DYM: variants seen among roughly 807,000 people sequenced by gnomAD.
DYM encodes dyggve-Melchior-Clausen syndrome protein.
Under a neutral mutation model 93.1 loss-of-function variants are expected in DYM, and 78 were observed. The ratio of observed to expected loss-of-function variants is 0.84; its 90% CI spans 0.70 to 1.01. The LOEUF (loss-of-function observed/expected upper bound fraction) is 1.01. DYM is among the 50% of genes least tolerant of loss of function. The pLI is 0.00. For missense variants in DYM, 789 were observed against 845.0 expected, an observed-to-expected ratio of 0.93 and a Z score of 0.82; for synonymous variants, 321 against 319.7, an observed-to-expected ratio of 1.00 and a Z score of -0.04.
At chr18:49,388,540 T>G (rs866655288) in intron 3 of DYM, among the ~76,000 whole-genome samples, 1 of 151,752 alleles carries the variant, frequency 6.6e-6, no homozygotes, top group Admixed American at 6.6e-5. Flanking sequence ...AACAAAAATT[T>G]TATATATAAA....
At chr18:49,053,245 G>A (rs2075182595) in intron 17 of DYM, among the ~76,000 whole-genome samples, 1 of 152,154 alleles carries the variant, frequency 6.6e-6, no homozygotes, top group East Asian at 1.9e-4. Flanking sequence ...AAGCCTGAAA[G>A]CCATCTCTGC....
At chr18:49,355,193 TAC>T (rs1420103229) in intron 6 of DYM, among the ~76,000 whole-genome samples, 1 of 151,986 alleles carries the variant, frequency 6.6e-6, no homozygotes, top group Non-Finnish European at 1.5e-5. Context: ...CATTGATAGA[TAC>T]AATTGATACA....
chr18:49,050,386 C>T (rs112076730), intron 17 of DYM, among the ~76,000 whole-genome samples: 3,763 of 152,190 alleles, frequency 0.025, 49 homozygotes, highest in South Asian at 0.066. Context: ...CCACCGCACC[C>T]AGTCCAGAGG....
intron 15 of DYM, among the ~76,000 whole-genome samples, chr18:49,129,372 CT>C: frequency 6.6e-6 from 1 of 152,102 alleles, no homozygotes. Flanking sequence ...AACCAGGTAA[CT>C]TAATAAATCT....
At position 49,114,479 on chromosome 18, in the gene DYM, T is replaced by C. The variant is rs930588829; in HGVS notation, c.1911+4265A>G. ...GTCCAACTTAACATCCTGCTTTTAC[T>C]TCTATATGGTTCTATACTGTGTACT... is the stretch of plus-strand genomic sequence containing the variant. On this transcript the variant is annotated intron_variant, in intron 16 of 17. Coordinates refer to ENST00000675505, the MANE Select transcript of DYM (RefSeq NM_001353214.3). The C allele has an allele frequency of 1.1e-5, 10 of 871,400 alleles. No homozygotes were observed. In the African/African-American group the frequency reaches 1.8e-4, roughly 16 times the overall value. The allele number at this position is 871,400 out of a possible 1,614,324, so 54.0% of individuals were successfully genotyped here.
rs2070761028 is a variant in DYM, at chr18:49,037,833, CTT to C, written c.*6220_*6221del. 6.6e-6 allele frequency among the ~76,000 whole-genome samples: 1 copy of C among 152,006 alleles called. No individual in the cohort carries two copies. The highest frequency in any genetic ancestry group is 1.5e-5 in the Non-Finnish European group (1 of 67,984). The stretch of plus-strand genomic sequence containing the variant: ...TGAAGTATTTTCAGGTTTGTTGAGA[CTT>C]TTTTTCTGAGACAGGGTCTTGCTCT... On this transcript the variant is annotated 3_prime_UTR_variant, in exon 18 of 18. Coordinates refer to ENST00000675505, the MANE Select transcript of DYM (RefSeq NM_001353214.3).
At chr18:49,405,500 CT>C (rs2071376321) in intron 2 of DYM, among the ~76,000 whole-genome samples, 1 of 152,268 alleles carries the variant, frequency 6.6e-6, no homozygotes, top group Middle Eastern at 3.4e-3. Flanking sequence ...AATAGGAAGT[CT>C]TTTCCTTATG....
chr18:49,112,072 T>C (rs897122606), intron 16 of DYM, among the ~76,000 whole-genome samples: 4 of 151,564 alleles, frequency 2.6e-5, no homozygotes, highest in Non-Finnish European at 4.4e-5. Flanking sequence ...TCTCTACCTA[T>C]GCCCCGAGGG....
At chr18:49,447,351 A>G (rs1004357063) in intron 1 of DYM, 4 of 152,030 alleles carry the variant, frequency 2.6e-5, no homozygotes, top group African/African-American at 9.7e-5. Context: ...CCACTCCTTA[A>G]CCCACCCACA....
At chr18:49,289,756 T>TATACAC (rs1568181107) in intron 8 of DYM, among the ~76,000 whole-genome samples, 2 of 47,712 alleles carry the variant, frequency 4.2e-5, no homozygotes, top group African/African-American at 7.4e-5. Flanking sequence ...TATATATATA[T>TATACAC]ATATATATAT....
chr18:49,144,153 C>T (rs1249147138), intron 15 of DYM, among the ~76,000 whole-genome samples: 1 of 152,018 alleles, frequency 6.6e-6, no homozygotes, highest in Non-Finnish European at 1.5e-5. Flanking sequence ...TCTCTCTCTC[C>T]TTTCTTATTG....
At chr18:49,177,100 C>T (rs2089467425) in intron 14 of DYM, among the ~76,000 whole-genome samples, 1 of 152,088 alleles carries the variant, frequency 6.6e-6, no homozygotes, top group Non-Finnish European at 1.5e-5. Flanking sequence ...TCCTATGGCA[C>T]AGTGTCACTA....
At chr18:49,146,554 GACAA>G (rs1485931746) in intron 15 of DYM, among the ~76,000 whole-genome samples, 4 of 152,212 alleles carry the variant, frequency 2.6e-5, no homozygotes, top group African/African-American at 9.6e-5. Context: ...ACCAATAACA[GACAA>G]ACAGAGAGCC....
intron 6 of DYM, among the ~76,000 whole-genome samples, chr18:49,351,475 C>T (rs1231291764): frequency 3.3e-5 from 5 of 151,684 alleles, no homozygotes; most frequent in African/African-American, 1.2e-4. Context: ...CAAATATTTA[C>T]TGACTAATAA....
At chr18:49,234,130 AAACAAC>A (rs371998809) in intron 13 of DYM, among the ~76,000 whole-genome samples, 4 of 151,556 alleles carry the variant, frequency 2.6e-5, no homozygotes, top group Non-Finnish European at 4.4e-5. Flanking sequence ...CTCCACCTCA[AAACAAC>A]AACAACAACA....
At chr18:49,253,934 A>G (rs2094339169) in intron 13 of DYM, among the ~76,000 whole-genome samples, 3 of 152,132 alleles carry the variant, frequency 2.0e-5, no homozygotes, top group Admixed American at 1.3e-4. Context: ...TAATAGCCCC[A>G]GCTGTTTCTT....
intron 17 of DYM, among the ~76,000 whole-genome samples, chr18:49,089,723 C>T (rs2078869638): frequency 6.6e-6 from 1 of 152,198 alleles, no homozygotes; most frequent in African/African-American, 2.4e-5. Flanking sequence ...GAAAAGAGTG[C>T]TCCAGGTGAC....
chr18:49,258,845 G>C lies in DYM; in HGVS notation c.1252-352C>G, dbSNP rs1485336234. 1.3e-3 allele frequency among the ~76,000 whole-genome samples: 62 copies of C among 47,692 alleles called. 1 individual carries two copies. Among genetic ancestry groups the C allele is most frequent in the South Asian group, 0.01 (11 of 1,060 alleles). The allele number at this position is 47,692 out of a possible 152,430, so 31.3% of individuals were successfully genotyped here. On this transcript the variant is annotated intron_variant, in intron 11 of 17. Transcript: ENST00000675505. ...ACAGAGACACACACACACACAGAGA[G>C]AGAGAGAGAGAGAGAGAGAGAGAGA...
intron 11 of DYM, among the ~76,000 whole-genome samples, chr18:49,264,676 G>C (rs1287130774): frequency 6.6e-6 from 1 of 152,150 alleles, no homozygotes; most frequent in Non-Finnish European, 1.5e-5. Context: ...AATACTTTGT[G>C]TTACGTATAA....
Sources: gnomAD v4.1 joint callset for allele counts (sites outside exome capture counted in the v4.1 genomes callset) on GRCh38, gnomAD v4.1.1 for gene constraint, MANE v1.5 for transcripts, NCBI Gene and HGNC (gene_info 2026-07-23, HGNC 2026-07-21) for gene names.